Variants in TMEM132E observed in about 807,000 individuals in gnomAD.
TMEM132E encodes the protein transmembrane protein 132E.
In TMEM132E, 49 loss-of-function variants were observed where a neutral mutation model predicts 78.5. The observed-to-expected ratio is 0.62, with a 90% CI of 0.50 to 0.79. TMEM132E has a LOEUF of 0.79. TMEM132E is among the 30% of genes least tolerant of loss of function. The pLI is 0.00. For synonymous variants in TMEM132E, 715 were observed against 670.6 expected, an observed-to-expected ratio of 1.07 and a Z score of -1.02; for missense variants, 1,403 against 1,470.9, an observed-to-expected ratio of 0.95 and a Z score of 0.75.
At chr17:34,624,947 C>T (rs541471600) in intron 1 of TMEM132E, among the ~76,000 whole-genome samples, 21 of 152,156 alleles carry the variant, frequency 1.4e-4, no homozygotes, top group Admixed American at 2.6e-4. Context: ...GAATGTGACT[C>T]GGGAGGTTCT....
chr17:34,624,243 G>T (rs1331936053), intron 1 of TMEM132E, among the ~76,000 whole-genome samples: 2 of 152,248 alleles, frequency 1.3e-5, no homozygotes, highest in East Asian at 3.8e-4. Context: ...TTGTGAAACT[G>T]CCAAGGTTTA....
intron 1 of TMEM132E, among the ~76,000 whole-genome samples, chr17:34,617,034 G>A (rs1205215280): frequency 1.3e-5 from 2 of 152,228 alleles, no homozygotes; most frequent in South Asian, 2.1e-4. Flanking sequence ...TAGAGGCCCT[G>A]CCCTGGTGCT....
intron 1 of TMEM132E, among the ~76,000 whole-genome samples, chr17:34,592,522 G>C (rs543300604): frequency 6.6e-6 from 1 of 152,326 alleles, no homozygotes; most frequent in African/African-American, 2.4e-5. Flanking sequence ...TATGGGGAGA[G>C]ATACAGGCTT....
At chr17:34,609,790 T>A (rs1313316257) in intron 1 of TMEM132E, among the ~76,000 whole-genome samples, 2 of 152,212 alleles carry the variant, frequency 1.3e-5, no homozygotes, top group Middle Eastern at 3.2e-3. Context: ...GGGACTCCTC[T>A]GCAGAGCCCC....
chr17:34,631,497 G>A (rs1000871635), intron 5 of TMEM132E, among the ~76,000 whole-genome samples: 5 of 152,182 alleles, frequency 3.3e-5, no homozygotes, highest in African/African-American at 1.2e-4. Flanking sequence ...AAATGAAATT[G>A]GTTACAAATC....
rs954168554 is a variant in TMEM132E, at chr17:34,607,487, C to T, written c.68-18640C>T. Among the ~76,000 whole-genome samples the T allele has an allele frequency of 2.0e-5, 3 of 152,292 alleles. No individual in the cohort carries two copies. The East Asian group carries it at 5.8e-4, about 29-fold the overall frequency. ...CAAATGTGCAGGATTTTATTCCTCA[C>T]ACCAAGGCAACTCTCCAGTTCTCTG... On this transcript the variant is annotated intron_variant, in intron 1 of 8. Transcript: ENST00000631683.
At chr17:34,599,781 G>T (rs978133778) in intron 1 of TMEM132E, among the ~76,000 whole-genome samples, 1 of 152,220 alleles carries the variant, frequency 6.6e-6, no homozygotes, top group Admixed American at 6.5e-5. Context: ...TCAAGCCTGA[G>T]CCTCACTCAC....
intron 8 of TMEM132E, 52 bp from the exon 9 acceptor site, chr17:34,637,125 C>A: frequency 6.6e-7 from 1 of 1,508,340 alleles, no homozygotes; most frequent in Non-Finnish European, 8.9e-7. Context: ...TAGCAGGAAG[C>A]CAGCTGAACC....
At chr17:34,624,786 A>C (rs7222334) in intron 1 of TMEM132E, among the ~76,000 whole-genome samples, 2 of 152,078 alleles carry the variant, frequency 1.3e-5, no homozygotes, top group African/African-American at 4.8e-5. Flanking sequence ...GTAAGCAGAT[A>C]GGAGCGCTTC....
At chr17:34,627,278 C>A (rs780876818) in intron 2 of TMEM132E, among the ~76,000 whole-genome samples, 1 of 152,194 alleles carries the variant, frequency 6.6e-6, no homozygotes, top group Admixed American at 6.5e-5. Flanking sequence ...AACATTCCTG[C>A]CCCTATTTCT....
At chr17:34,615,638 G>A (rs1273195206) in intron 1 of TMEM132E, among the ~76,000 whole-genome samples, 1 of 151,676 alleles carries the variant, frequency 6.6e-6, no homozygotes, top group East Asian at 2.0e-4. Flanking sequence ...CAGACCATGT[G>A]TAAGACTCTG....
At chr17:34,614,917 G>C (rs961145470) in intron 1 of TMEM132E, 1 of 152,272 alleles carries the variant, frequency 6.6e-6, no homozygotes, top group Non-Finnish European at 1.5e-5. Flanking sequence ...CATGGGAGCA[G>C]AGTCTAGAGG....
At chr17:34,614,839 T>A (rs576039216) in intron 1 of TMEM132E, 1 of 152,586 alleles carries the variant, frequency 6.6e-6, no homozygotes, top group African/African-American at 2.4e-5. Flanking sequence ...CTACTCCTTC[T>A]CACCCTCCTT....
At chr17:34,635,530 G>A (rs889495593) in intron 7 of TMEM132E, among the ~76,000 whole-genome samples, 1 of 152,164 alleles carries the variant, frequency 6.6e-6, no homozygotes, top group Non-Finnish European at 1.5e-5. Context: ...TAAAACAATT[G>A]ATCCAATGTG....
intron 7 of TMEM132E, among the ~76,000 whole-genome samples, chr17:34,635,594 C>CA (rs1480593249): frequency 6.6e-6 from 1 of 152,180 alleles, no homozygotes; most frequent in Non-Finnish European, 1.5e-5. Context: ...TCTGGTTTCA[C>CA]AAAAAATGAA....
In TMEM132E at chr17:34,636,080, C is replaced by T. The variant is rs779410132; in HGVS notation, c.2051C>T (p.Thr684Ile). Residue 684 changes from threonine to isoleucine, a missense_variant, in exon 8 of 9, where the codon ACA becomes ATA. Around this residue, in one of 3 missense-constraint regions of TMEM132E, gnomAD observed 888 missense variants for 952.8 expected, o/e 0.93. Coordinates refer to ENST00000631683, the MANE Select transcript of TMEM132E (RefSeq NM_001304438.2). ...LTVTEEKVSI[T>I]QLQAQVVASL... Reference sequence around the variant, plus strand: ...GTGACTGAGGAGAAGGTCAGCATCACACAGCTTCAGGCCCAGGTGGTGGCC... The same window carrying T: ...GTGACTGAGGAGAAGGTCAGCATCATACAGCTTCAGGCCCAGGTGGTGGCC... 1.3e-6 allele frequency: 2 copies of T among 1,593,904 alleles called. No individual in the cohort carries two copies. Among genetic ancestry groups the T allele is most frequent in the African/African-American group, 1.4e-5 (1 of 73,844 alleles).
At chr17:34,604,408 G>A (rs904020864) in intron 1 of TMEM132E, among the ~76,000 whole-genome samples, 5 of 152,078 alleles carry the variant, frequency 3.3e-5, no homozygotes, top group Admixed American at 6.5e-5. Flanking sequence ...CCATGTCACC[G>A]GCATCCATCC....
In TMEM132E at chr17:34,638,353, C is replaced by T. The variant is rs1372479800; in HGVS notation, c.*121C>T. ...CTGAATTGATTTTGTACTCCCTGCC[C>T]CTGCAGCTTGGCTCCGTGCGGAGCG... is the stretch of plus-strand genomic sequence containing the variant. On this transcript the variant is annotated 3_prime_UTR_variant, in exon 9 of 9. Transcript: ENST00000631683. 2.6e-6 allele frequency: 3 copies of T among 1,132,750 alleles called. No homozygotes were observed. Among genetic ancestry groups the T allele is most frequent in the Non-Finnish European group, 3.7e-6 (3 of 821,858 alleles). 70.2% of individuals were successfully genotyped at this position (1,132,750 alleles called of 1,614,324 possible).
At chr17:34,583,815 G>T (rs1905575593) in intron 1 of TMEM132E, among the ~76,000 whole-genome samples, 1 of 152,178 alleles carries the variant, frequency 6.6e-6, no homozygotes, top group Non-Finnish European at 1.5e-5. Flanking sequence ...TCCAGTTTCT[G>T]CCAGGACTCC....
Sources: gnomAD v4.1 joint callset for allele counts (sites outside exome capture counted in the v4.1 genomes callset) on GRCh38, gnomAD v4.1.1 for gene constraint, gnomAD v4.1.1 regional missense constraint, MANE v1.5 for transcripts, NCBI Gene and HGNC (gene_info 2026-07-23, HGNC 2026-07-21) for gene names.